The following SYCP1 variants were observed in gnomAD, a reference collection of about 807,000 sequenced individuals.
SYCP1 encodes cancer/testis antigen 8.
SYCP1 carries 64 observed loss-of-function variants against 153.1 expected under a neutral mutation model. The ratio of observed to expected loss-of-function variants is 0.42; its 90% CI spans 0.34 to 0.51. The LOEUF is 0.51. Ranked by LOEUF, SYCP1 falls within the 20% of genes least tolerant of loss-of-function variation. The pLI is 0.06. For synonymous variants in SYCP1, 384 were observed against 341.8 expected, an observed-to-expected ratio of 1.12 and a Z score of -1.36; for missense variants, 997 against 1,049.0, an observed-to-expected ratio of 0.95 and a Z score of 0.68.
chr1:114,932,613 C>T (rs533074995), intron 23 of SYCP1, among the ~76,000 whole-genome samples: 2 of 152,216 alleles, frequency 1.3e-5, no homozygotes, highest in Non-Finnish European at 2.9e-5. Flanking sequence ...CATCGCCTCA[C>T]CTGGGAAGCA....
chr1:114,878,882 A>T (rs1033154079), intron 12 of SYCP1, among the ~76,000 whole-genome samples: 1 of 152,198 alleles, frequency 6.6e-6, no homozygotes, highest in African/African-American at 2.4e-5. Context: ...TGGGAGCATG[A>T]TGGAGAGAGT....
Position 114,946,366 on chromosome 1 carries a change from A to G in SYCP1, c.2232A>G (p.Ser744=), listed in dbSNP as rs901682871. ...LYKSKEQEQS[S]LRASLEIELS... is the part of the protein sequence containing the mutation. Reference sequence around the variant, plus strand: ...AGAGCAAAGAACAAGAACAGTCATCACTGAGAGCATCTTTGGTGAGATACA... The same window carrying G: ...AGAGCAAAGAACAAGAACAGTCATCGCTGAGAGCATCTTTGGTGAGATACA... The change falls in exon 26 of 32, where the codon TCA becomes TCG. Residue 744 remains serine, a synonymous_variant. Coordinates refer to ENST00000369522, the MANE Select transcript of SYCP1 (RefSeq NM_003176.4). 1.9e-6 allele frequency: 3 copies of G among 1,586,580 alleles called. No individual in the cohort carries two copies. Among genetic ancestry groups the G allele is most frequent in the African/African-American group, 2.8e-5 (2 of 72,676 alleles).
intron 12 of SYCP1, among the ~76,000 whole-genome samples, chr1:114,885,171 G>A (rs1666207550): frequency 6.6e-6 from 1 of 151,980 alleles, no homozygotes; most frequent in South Asian, 2.1e-4. Context: ...TATGTTTTAT[G>A]AATATCCAAA....
chr1:114,964,839 A>G (rs1190971290), intron 27 of SYCP1, among the ~76,000 whole-genome samples: 1 of 152,094 alleles, frequency 6.6e-6, no homozygotes, highest in Non-Finnish European at 1.5e-5. Flanking sequence ...ATTGTCTTGG[A>G]TATATGGGCT....
chr1:114,891,338 C>T (rs890350771), intron 15 of SYCP1, among the ~76,000 whole-genome samples: 1 of 152,158 alleles, frequency 6.6e-6, no homozygotes, highest in Non-Finnish European at 1.5e-5. Context: ...CAGTCCTTTT[C>T]TTTCTAGGAT....
chr1:114,945,235 CT>C (rs1337007498), intron 25 of SYCP1, among the ~76,000 whole-genome samples: 2 of 151,954 alleles, frequency 1.3e-5, no homozygotes, highest in African/African-American at 4.8e-5. Flanking sequence ...AGTAATCACT[CT>C]TTTTCTGGAT....
chr1:114,886,864 A>C (rs1340544797), intron 14 of SYCP1, among the ~76,000 whole-genome samples: 1 of 152,044 alleles, frequency 6.6e-6, no homozygotes, highest in Admixed American at 6.6e-5. Flanking sequence ...CATTTCATCT[A>C]AATAGCAGTT....
At chr1:114,944,598 A>C in intron 24 of SYCP1, 143 bp downstream of exon 24, 1 of 616,408 alleles carries the variant, frequency 1.6e-6, no homozygotes, top group Non-Finnish European at 2.8e-6. Context: ...GGGTCAGTTT[A>C]TCAGTTTTTA....
intron 14 of SYCP1, among the ~76,000 whole-genome samples, chr1:114,887,385 G>A (rs1289549677): frequency 6.6e-6 from 1 of 151,672 alleles, no homozygotes; most frequent in Non-Finnish European, 1.5e-5. Flanking sequence ...TATACCATAA[G>A]CTTTAAGGTA....
At chr1:114,954,693 G>T (rs1374512885) in intron 27 of SYCP1, among the ~76,000 whole-genome samples, 1 of 152,002 alleles carries the variant, frequency 6.6e-6, no homozygotes, top group Non-Finnish European at 1.5e-5. Context: ...AGATTCTCCT[G>T]CCTCAGCTTC....
chr1:114,894,503 G>T (rs913967785), intron 15 of SYCP1, among the ~76,000 whole-genome samples: 2 of 152,092 alleles, frequency 1.3e-5, no homozygotes, highest in Non-Finnish European at 2.9e-5. Flanking sequence ...TGAAAAATGC[G>T]GGAGGCTTGG....
At chr1:114,977,881 C>T (rs1433056049) in intron 28 of SYCP1, among the ~76,000 whole-genome samples, 2 of 151,430 alleles carry the variant, frequency 1.3e-5, no homozygotes, top group African/African-American at 2.4e-5. Flanking sequence ...TCTTTCTCTA[C>T]AATTCTTATT....
chr1:114,858,504 T>C (rs1664162761), intron 5 of SYCP1, 43 bp from the exon 6 acceptor site: 1 of 1,509,340 alleles, frequency 6.6e-7, no homozygotes, highest in Non-Finnish European at 8.9e-7. Flanking sequence ...TTTGGTTATA[T>C]TAGAATTTTG....
chr1:114,992,322 G>A (rs1350702799), intron 30 of SYCP1, among the ~76,000 whole-genome samples: 1 of 151,620 alleles, frequency 6.6e-6, no homozygotes, highest in Non-Finnish European at 1.5e-5. Context: ...GAATTGCAAA[G>A]GGCCCCAAAA....
chr1:114,995,224 GATTAT>G lies in SYCP1; in HGVS notation c.*208_*212del. On this transcript the variant is annotated 3_prime_UTR_variant, in exon 32 of 32. Coordinates refer to ENST00000369522, the MANE Select transcript of SYCP1 (RefSeq NM_003176.4). ...TGTCATTGTATTCAGATAATTAGAT[GATTAT>G]ATATTGTTGTTACTTTTTCTTGTAT... 2.5e-6 allele frequency: 1 copy of G among 405,182 alleles called. No homozygotes were observed. Among genetic ancestry groups the G allele is most frequent in the Non-Finnish European group, 4.2e-6 (1 of 236,426 alleles). 25.1% of individuals were successfully genotyped at this position (405,182 alleles called of 1,614,324 possible). A position where few individuals can be genotyped will look rare whatever the true frequency, so the allele number is the denominator to read the frequency against.
At chr1:114,962,046 C>T (rs573986452) in intron 27 of SYCP1, among the ~76,000 whole-genome samples, 29 of 141,814 alleles carry the variant, frequency 2.0e-4, no homozygotes, top group Middle Eastern at 4.5e-3. Context: ...GACACAATTT[C>T]GGCTCACTAA....
intron 20 of SYCP1, among the ~76,000 whole-genome samples, chr1:114,922,548 T>C (rs1411454974): frequency 6.6e-6 from 1 of 152,076 alleles, no homozygotes; most frequent in Non-Finnish European, 1.5e-5. Context: ...CATCCAAATG[T>C]TGCAAGAGTT....
chr1:114,912,566 T>TA (rs1340029080), intron 18 of SYCP1, among the ~76,000 whole-genome samples: 3 of 151,940 alleles, frequency 2.0e-5, no homozygotes, highest in African/African-American at 7.2e-5. Flanking sequence ...GTTTTTTTTT[T>TA]AAATACTTTA....
chr1:114,952,729 A>G (rs534364921), intron 27 of SYCP1, among the ~76,000 whole-genome samples: 1 of 152,276 alleles, frequency 6.6e-6, no homozygotes, highest in South Asian at 2.1e-4. Context: ...ATGTGGGGAT[A>G]ATGGGAACTA....
Sources: gnomAD v4.1 joint callset for allele counts (sites outside exome capture counted in the v4.1 genomes callset) on GRCh38, gnomAD v4.1.1 for gene constraint, MANE v1.5 for transcripts, NCBI Gene and HGNC (gene_info 2026-07-23, HGNC 2026-07-21) for gene names.